The following CAVIN1 variants were observed in gnomAD, a reference collection of about 807,000 sequenced individuals.
The protein encoded by CAVIN1 is caveolae associated protein 1.
In CAVIN1, 16 loss-of-function variants were observed where a neutral mutation model predicts 24.0. The ratio of observed to expected loss-of-function variants is 0.67; its 90% CI spans 0.45 to 1.01. The LOEUF (loss-of-function observed/expected upper bound fraction) is 1.01, where lower values mean the gene tolerates loss of function less well. Ranked by LOEUF, CAVIN1 falls within the 50% of genes least tolerant of loss-of-function variation. The pLI, the probability that CAVIN1 is intolerant of heterozygous loss-of-function variation, is 0.00. For missense variants in CAVIN1, 510 were observed against 551.7 expected (o/e 0.92, Z 0.76); for synonymous variants, 256 against 256.4 (o/e 1.00, Z 0.02).
intron 1 of CAVIN1, chr17:42,412,372 A>T: frequency 6.7e-5 from 33 of 492,062 alleles, no homozygotes; most frequent in Non-Finnish European, 8.4e-5. Context: ...ACAATGTATT[A>T]GGATGGAAAT....
chr17:42,416,563 A>G (rs1480331911), intron 1 of CAVIN1, among the ~76,000 whole-genome samples: 1 of 136,136 alleles, frequency 7.3e-6, no homozygotes, highest in Admixed American at 8.3e-5. Context: ...CCACCACTCC[A>G]GCCTGGGCTG....
In CAVIN1 at chr17:42,404,910, T is replaced by C. The variant is rs1464227382; in HGVS notation, c.950A>G (p.Lys317Arg). Residue 317 changes from lysine to arginine, a missense_variant, in exon 2 of 2, where the codon AAG becomes AGG. Coordinates refer to ENST00000357037, the MANE Select transcript of CAVIN1 (RefSeq NM_012232.6). ...VYARSKTAVY[K>R]VPPFTFHVKK... ...GACGTGGAAGGTGAAGGGTGGCACCTTGTAGACCGCGGTCTTGGAGCGCGC... is the reference window on the plus strand; with the variant it reads ...GACGTGGAAGGTGAAGGGTGGCACCCTGTAGACCGCGGTCTTGGAGCGCGC... 2 of 1,613,984 alleles carry C rather than the reference T, an allele frequency of 1.2e-6. No homozygotes were observed. The highest frequency in any genetic ancestry group is 1.7e-6 in the Non-Finnish European group (2 of 1,179,928).
At position 42,422,609 on chromosome 17, in the gene CAVIN1, T is replaced by A. The variant is rs1399769763; in HGVS notation, c.471+18A>T. 1.3e-6 allele frequency: 2 copies of A among 1,548,878 alleles called. No individual in the cohort carries two copies. The highest frequency in any genetic ancestry group is 1.7e-6 in the Non-Finnish European group (2 of 1,144,276). On this transcript the variant is annotated intron_variant, in intron 1 of 1. Transcript: ENST00000357037. The stretch of plus-strand genomic sequence containing the variant: ...CCGGGCGCGGGAGCTCTGGGCGCCT[T>A]CCGCCCTGTGGGCTCACCTGGTAGA...
At chr17:42,421,161 C>G (rs905622323) in intron 1 of CAVIN1, among the ~76,000 whole-genome samples, 1 of 152,254 alleles carries the variant, frequency 6.6e-6, no homozygotes, top group East Asian at 1.9e-4. Flanking sequence ...ACAAGTGCCA[C>G]TTCTGCCTCT....
chr17:42,405,408 G>T lies in CAVIN1; in HGVS notation c.472-20C>A. 1 of 1,601,246 alleles carries T rather than the reference G, an allele frequency of 6.2e-7. No homozygotes were observed. ...TTCATCCTAAGGGAAGAGGAGAAGG[G>T]ACATGAGAGGCGTCGGAGGAGGCGG... is the stretch of plus-strand genomic sequence containing the variant. On this transcript the variant is annotated intron_variant, in intron 1 of 1. Transcript: ENST00000357037.
Position 42,422,710 on chromosome 17 carries a change from G to C in CAVIN1, c.388C>G (p.Arg130Gly), listed in dbSNP as rs776524839. The change falls in exon 1 of 2, where the codon CGC becomes GGC. Residue 130 changes from arginine (R) to glycine (G), a missense_variant. Transcript: ENST00000357037. ...NVKTVRGSLERQAGQIKKLEV... is the reference protein window; with the variant it reads ...NVKTVRGSLEGQAGQIKKLEV... The stretch of plus-strand genomic sequence containing the variant: ...AGCTTCTTGATCTGCCCCGCCTGGC[G>C]CTCCAGGCTGCCGCGCACGGTCTTC... 1.9e-6 allele frequency: 3 copies of C among 1,608,882 alleles called. No individual in the cohort carries two copies. Among genetic ancestry groups the C allele is most frequent in the African/African-American group, 2.7e-5 (2 of 74,900 alleles).
intron 1 of CAVIN1, chr17:42,411,910 A>G: frequency 1.0e-6 from 1 of 985,062 alleles, no homozygotes; most frequent in Non-Finnish European, 1.2e-6. Flanking sequence ...CAGTGTTCTC[A>G]CAGTACCCGG....
chr17:42,412,136 G>T (rs1366256876), intron 1 of CAVIN1: 35 of 985,246 alleles, frequency 3.6e-5, no homozygotes, highest in Non-Finnish European at 4.2e-5. Flanking sequence ...TGGTCAAAAG[G>T]TGGGAGCTCA....
chr17:42,422,542 G>T, intron 1 of CAVIN1, 85 bp downstream of exon 1: 1 of 837,528 alleles, frequency 1.2e-6, no homozygotes, highest in Non-Finnish European at 1.7e-6. Context: ...GCAGCGCCAC[G>T]GGCAGGTCTC....
At chr17:42,412,199 G>T in intron 1 of CAVIN1, 3 of 985,186 alleles carry the variant, frequency 3.0e-6, no homozygotes, top group Non-Finnish European at 2.4e-6. Context: ...AGGTCAAAAG[G>T]CACGATCTTG....
Position 42,423,192 on chromosome 17 carries a change from G to A in CAVIN1, c.-95C>T. 1 of 1,041,910 alleles carries A rather than the reference G, an allele frequency of 9.6e-7. No homozygotes were observed. Among genetic ancestry groups the A allele is most frequent in the East Asian group, 2.6e-5 (1 of 38,400 alleles). The allele number at this position is 1,041,910 out of a possible 1,614,324, so 64.5% of individuals were successfully genotyped here. On this transcript the variant is annotated 5_prime_UTR_variant, in exon 1 of 2. Transcript: ENST00000357037. ...GGAGCGGAAGGGAGGAGAGCTAGCGGGCGAGAGCGGAGAGCAGAGGAAACT... is the reference window on the plus strand; with the variant it reads ...GGAGCGGAAGGGAGGAGAGCTAGCGAGCGAGAGCGGAGAGCAGAGGAAACT...
chr17:42,419,885 G>A (rs1189622866), intron 1 of CAVIN1, among the ~76,000 whole-genome samples: 1 of 111,146 alleles, frequency 9.0e-6, no homozygotes, highest in South Asian at 2.7e-4. Context: ...TGAATTTCGT[G>A]TGTGTGTGTG....
At chr17:42,414,178 G>A (rs1038569368) in intron 1 of CAVIN1, among the ~76,000 whole-genome samples, 1 of 152,168 alleles carries the variant, frequency 6.6e-6, no homozygotes, top group Non-Finnish European at 1.5e-5. Flanking sequence ...TGGGATTACA[G>A]GCATGAGCCA....
chr17:42,411,841 T>C (rs1229527274), intron 1 of CAVIN1: 1 of 985,280 alleles, frequency 1.0e-6, no homozygotes, highest in Non-Finnish European at 1.2e-6. Flanking sequence ...GGGAGGCCCC[T>C]TCCATTCCCC....
At chr17:42,418,763 A>G (rs1200982963) in intron 1 of CAVIN1, among the ~76,000 whole-genome samples, 1 of 152,228 alleles carries the variant, frequency 6.6e-6, no homozygotes, top group Non-Finnish European at 1.5e-5. Context: ...AATGCTTGAT[A>G]TGACGGATAC....
intron 1 of CAVIN1, chr17:42,411,633 G>T (rs2085479497): frequency 2.0e-6 from 2 of 985,256 alleles, no homozygotes; most frequent in Non-Finnish European, 2.4e-6. Context: ...GGGTGGAGAG[G>T]GCACAGAACA....
At chr17:42,422,539 C>T (rs1174013707) in intron 1 of CAVIN1, 88 bp downstream of exon 1, 160 of 1,065,418 alleles carry the variant, frequency 1.5e-4, no homozygotes, top group Non-Finnish European at 1.9e-4. Flanking sequence ...GGAGCAGCGC[C>T]ACGGGCAGGT....
intron 1 of CAVIN1, among the ~76,000 whole-genome samples, chr17:42,415,114 G>A (rs1314814348): frequency 6.6e-6 from 1 of 151,974 alleles, no homozygotes; most frequent in Non-Finnish European, 1.5e-5. Context: ...CCATACACAC[G>A]CAAAGCAGCC....
chr17:42,419,466 C>T (rs934821352), intron 1 of CAVIN1, among the ~76,000 whole-genome samples: 1 of 152,070 alleles, frequency 6.6e-6, no homozygotes, highest in African/African-American at 2.4e-5. Flanking sequence ...GTGCTCACCA[C>T]CATGCCCGGC....
Sources: gnomAD v4.1 joint callset for allele counts (sites outside exome capture counted in the v4.1 genomes callset) on GRCh38, gnomAD v4.1.1 for gene constraint, MANE v1.5 for transcripts, NCBI Gene and HGNC (gene_info 2026-07-23, HGNC 2026-07-21) for gene names.